The following MITF variants were observed in gnomAD, a reference collection of about 807,000 sequenced individuals.
MITF encodes the protein microphthalmia-associated transcription factor.
In MITF, 17 loss-of-function variants were observed where a neutral mutation model predicts 60.5. That is an observed-to-expected ratio of 0.28 (90% CI 0.19 to 0.42). The LOEUF (loss-of-function observed/expected upper bound fraction) is 0.42, where lower values mean the gene tolerates loss of function less well. Among genes scored for constraint, MITF ranks in the 10% least tolerant of loss-of-function variants. The pLI, the probability that MITF is intolerant of heterozygous loss-of-function variation, is 1.00. For synonymous variants in MITF, 260 were observed against 248.5 expected, an observed-to-expected ratio of 1.05 and a Z score of -0.43; for missense variants, 622 against 683.5, an observed-to-expected ratio of 0.91 and a Z score of 1.00.
intron 1 of MITF, among the ~76,000 whole-genome samples, chr3:69,878,494 A>G (rs2064405388): frequency 6.6e-6 from 1 of 152,276 alleles, no homozygotes; most frequent in South Asian, 2.1e-4. Flanking sequence ...AGAAAACCAG[A>G]CAGAGAAGTA....
chr3:69,899,233 G>A (rs1429381580), intron 2 of MITF, among the ~76,000 whole-genome samples: 1 of 152,160 alleles, frequency 6.6e-6, no homozygotes, highest in African/African-American at 2.4e-5. Flanking sequence ...ACCCTGCAGT[G>A]TCAGAGAGCT....
intron 1 of MITF, among the ~76,000 whole-genome samples, chr3:69,811,548 A>T (rs1003583560): frequency 6.6e-6 from 1 of 152,192 alleles, no homozygotes; most frequent in South Asian, 2.1e-4. Flanking sequence ...ATACCCCAGT[A>T]TATGAATTAT....
chr3:69,820,828 A>C (rs1358645336), intron 1 of MITF, among the ~76,000 whole-genome samples: 1 of 152,196 alleles, frequency 6.6e-6, no homozygotes, highest in Non-Finnish European at 1.5e-5. Context: ...GCTCTGGTGC[A>C]ATACAAGTGT....
chr3:69,884,843 T>G (rs969936318), intron 2 of MITF, among the ~76,000 whole-genome samples: 4 of 152,120 alleles, frequency 2.6e-5, no homozygotes, highest in African/African-American at 9.7e-5. Context: ...GCTTAAATTT[T>G]TAGGTTTTAT....
chr3:69,813,397 T>C (rs1320640150), intron 1 of MITF, among the ~76,000 whole-genome samples: 1 of 152,216 alleles, frequency 6.6e-6, no homozygotes, highest in Admixed American at 6.5e-5. Flanking sequence ...GGCATTAATA[T>C]CATTCCCTTT....
At chr3:69,930,435 C>G (rs1451746886) in intron 2 of MITF, among the ~76,000 whole-genome samples, 1 of 152,200 alleles carries the variant, frequency 6.6e-6, no homozygotes, top group Non-Finnish European at 1.5e-5. Context: ...CTTTGAGCAA[C>G]CAAGGCTTGT....
intron 2 of MITF, among the ~76,000 whole-genome samples, chr3:69,912,750 A>G (rs1296206102): frequency 6.6e-6 from 1 of 152,180 alleles, no homozygotes; most frequent in Non-Finnish European, 1.5e-5. Flanking sequence ...TAGAATATAA[A>G]CAGAATTGCT....
rs149353526 is a variant in MITF at position 69,884,235 on chromosome 3, G to A, written c.354+4852G>A. Among the ~76,000 whole-genome samples the A allele has an allele frequency of 9.8e-3, 1,498 of 152,216 alleles. 8 individuals carry two copies. Among genetic ancestry groups the A allele is most frequent in the Middle Eastern group, 0.024 (7 of 294 alleles). ...TCCCTTCCGTCATGTTCCCTGGAAGGAACGACTGTTAACAGTTTAGGATGC... is the reference window on the plus strand; with the variant it reads ...TCCCTTCCGTCATGTTCCCTGGAAGAAACGACTGTTAACAGTTTAGGATGC... On this transcript the variant is annotated intron_variant, in intron 2 of 9. Coordinates refer to ENST00000352241, the MANE Select transcript of MITF (RefSeq NM_001354604.2).
At chr3:69,819,338 C>T (rs1318242904) in intron 1 of MITF, among the ~76,000 whole-genome samples, 1 of 152,166 alleles carries the variant, frequency 6.6e-6, no homozygotes, top group East Asian at 1.9e-4. Flanking sequence ...CCAGATGCAG[C>T]ACCTGGGAAA....
chr3:69,798,794 A>G (rs937422649), intron 1 of MITF, among the ~76,000 whole-genome samples: 1 of 152,150 alleles, frequency 6.6e-6, no homozygotes, highest in African/African-American at 2.4e-5. Context: ...GGGCCTTTGC[A>G]TATGCTGCTT....
In MITF at chr3:69,758,117, GCACA is replaced by G. The variant is rs111261020; in HGVS notation, c.104+18438_104+18441del. Among the ~76,000 whole-genome samples, 200 of 120,124 alleles carry G rather than the reference GCACA, an allele frequency of 1.7e-3. 1 individual carries two copies. The highest frequency in any genetic ancestry group is 5.5e-3 in the African/African-American group (179 of 32,780). The allele number at this position is 120,124 out of a possible 152,430, so 78.8% of individuals were successfully genotyped here. Reference sequence around the variant, plus strand: ...ATATATATATATAAATATATCATATGCACACACACACACACACACACACACTTTC... The same window carrying G: ...ATATATATATATAAATATATCATATGCACACACACACACACACACACTTTC... On this transcript the variant is annotated intron_variant, in intron 1 of 9. Coordinates refer to ENST00000352241, the MANE Select transcript of MITF (RefSeq NM_001354604.2).
intron 5 of MITF, among the ~76,000 whole-genome samples, chr3:69,944,984 C>A (rs2066059050): frequency 6.6e-6 from 1 of 152,010 alleles, no homozygotes. Flanking sequence ...TTCAAGTTAA[C>A]TACTTAGGAA....
At chr3:69,909,619 G>A (rs2065180027) in intron 2 of MITF, among the ~76,000 whole-genome samples, 1 of 152,166 alleles carries the variant, frequency 6.6e-6, no homozygotes, top group Admixed American at 6.5e-5. Flanking sequence ...GGTCTCAGAT[G>A]GAGATGAGGA....
At chr3:69,786,326 T>C (rs1370689810) in intron 1 of MITF, among the ~76,000 whole-genome samples, 1 of 152,234 alleles carries the variant, frequency 6.6e-6, no homozygotes, top group Non-Finnish European at 1.5e-5. Context: ...CTCTAGGGCA[T>C]GAATCCCTGC....
chr3:69,821,058 T>C (rs1261914969), intron 1 of MITF, among the ~76,000 whole-genome samples: 4 of 152,200 alleles, frequency 2.6e-5, no homozygotes, highest in Non-Finnish European at 2.9e-5. Flanking sequence ...CCCAAACTTA[T>C]AGCAATGAGG....
intron 2 of MITF, among the ~76,000 whole-genome samples, chr3:69,929,739 C>A (rs2065675683): frequency 6.6e-6 from 1 of 151,974 alleles, no homozygotes; most frequent in Non-Finnish European, 1.5e-5. Context: ...TGAAAATACA[C>A]CGTCAGAGTG....
rs769643958 is a variant in MITF at position 69,879,387 on chromosome 3, C to A, written c.354+4C>A. On this transcript the variant is annotated splice_donor_region_variant and intron_variant, in intron 2 of 9. Transcript: ENST00000352241. ...GGTGCCGATGGAAGTCCTTAAGGTA[C>A]GTGAGTGTTGCTCTTGTTGGTTGGA... The A allele has an allele frequency of 2.5e-6, 4 of 1,614,174 alleles. No individual in the cohort carries two copies. The highest frequency in any genetic ancestry group is 3.3e-5 in the Admixed American group (2 of 60,020).
chr3:69,941,400 CTT>C (rs2065965958), intron 5 of MITF, 69 bp downstream of exon 5: 2 of 955,598 alleles, frequency 2.1e-6, no homozygotes, highest in East Asian at 5.1e-5. Flanking sequence ...TTTTCTTAAA[CTT>C]TTATTTTATC....
chr3:69,885,910 A>G (rs563239440), intron 2 of MITF, among the ~76,000 whole-genome samples: 3 of 152,226 alleles, frequency 2.0e-5, no homozygotes, highest in South Asian at 2.1e-4. Context: ...AAGTGCCAGC[A>G]TTGAACTTTA....
Sources: gnomAD v4.1 joint callset for allele counts (sites outside exome capture counted in the v4.1 genomes callset) on GRCh38, gnomAD v4.1.1 for gene constraint, MANE v1.5 for transcripts, NCBI Gene and HGNC (gene_info 2026-07-23, HGNC 2026-07-21) for gene names.